The following DAB2IP variants were observed in gnomAD, a reference collection of about 807,000 sequenced individuals.
DAB2IP encodes the protein DAB2 interacting protein, also known as disabled homolog 2-interacting protein.
DAB2IP carries 28 observed loss-of-function variants against 107.2 expected under a neutral mutation model. That is an observed-to-expected ratio of 0.26 (90% confidence interval 0.19 to 0.36). The LOEUF (loss-of-function observed/expected upper bound fraction) is 0.36. Among genes scored for constraint, DAB2IP ranks in the 10% least tolerant of loss-of-function variants. The pLI is 1.00. For synonymous variants in DAB2IP, 755 were observed against 706.4 expected (o/e 1.07, Z -1.09); for missense variants, 1,400 against 1,644.7 (o/e 0.85, Z 2.57).
intron 13 of DAB2IP, 69 bp downstream of exon 13, chr9:121,774,481 T>G: frequency 6.9e-7 from 1 of 1,457,898 alleles, no homozygotes; most frequent in Non-Finnish European, 9.1e-7. Context: ...TAGGAGTCTC[T>G]CCCCCAGGTC....
chr9:121,642,705 T>G (rs1186876431), intron 1 of DAB2IP, among the ~76,000 whole-genome samples: 1 of 152,010 alleles, frequency 6.6e-6, no homozygotes, highest in Non-Finnish European at 1.5e-5. Context: ...TGCTATTCTA[T>G]GCACTGGGCA....
chr9:121,605,824 G>A (rs1830851416), intron 1 of DAB2IP, among the ~76,000 whole-genome samples: 1 of 152,156 alleles, frequency 6.6e-6, no homozygotes, highest in Non-Finnish European at 1.5e-5. Flanking sequence ...ATTTTCTTAA[G>A]AGTGTTTAAA....
At chr9:121,606,503 C>G (rs1406157141) in intron 1 of DAB2IP, among the ~76,000 whole-genome samples, 3 of 152,190 alleles carry the variant, frequency 2.0e-5, no homozygotes, top group East Asian at 3.8e-4. Context: ...CTCTGAGAAA[C>G]ACAGCTCAGC....
intron 3 of DAB2IP, among the ~76,000 whole-genome samples, chr9:121,743,743 A>G (rs540988704): frequency 1.3e-5 from 2 of 152,310 alleles, no homozygotes; most frequent in African/African-American, 4.8e-5. Context: ...GCTTAGAATA[A>G]GAGAGGCTGG....
chr9:121,666,917 A>ACACACACACAC lies in DAB2IP; in HGVS notation c.125-11758_125-11757insACACACACCAC, dbSNP rs1564143999. ...ACACACACACACACACACACACACA[A>ACACACACACAC]CACTCTTAAATAGACGTACACAGAG... On this transcript the variant is annotated intron_variant, in intron 1 of 15. Coordinates refer to ENST00000408936, the Ensembl canonical transcript of DAB2IP. 1.1e-3 allele frequency among the ~76,000 whole-genome samples: 110 copies of ACACACACACAC among 104,754 alleles called. 3 individuals carry two copies. The highest frequency in any genetic ancestry group is 3.4e-3 in the African/African-American group (101 of 29,992). 68.7% of individuals were successfully genotyped at this position (104,754 alleles called of 152,430 possible).
At chr9:121,716,089 A>C (rs1447584366) in intron 3 of DAB2IP, among the ~76,000 whole-genome samples, 1 of 152,160 alleles carries the variant, frequency 6.6e-6, no homozygotes, top group East Asian at 1.9e-4. Flanking sequence ...GGGGCTCTGG[A>C]ATCTGTATTC....
upstream of DAB2IP, among the ~76,000 whole-genome samples, chr9:121,648,285 G>A (rs1446214247): frequency 3.3e-5 from 5 of 152,156 alleles, no homozygotes; most frequent in Non-Finnish European, 5.9e-5. Context: ...ATAAAAAACT[G>A]AGGGGATGCT....
intron 3 of DAB2IP, among the ~76,000 whole-genome samples, chr9:121,747,870 AAG>A (rs1554738707): frequency 8.6e-5 from 13 of 150,466 alleles, no homozygotes; most frequent in African/African-American, 2.7e-4. Context: ...AAAAAAAAAA[AAG>A]AAAGAAAGAA....
chr9:121,758,330 G>T (rs1833639303), intron 4 of DAB2IP, among the ~76,000 whole-genome samples: 1 of 152,172 alleles, frequency 6.6e-6, no homozygotes. Flanking sequence ...CCTAGGGCCT[G>T]GCACATCCAG....
chr9:121,773,008 C>A (rs1188565861), exon 12 of DAB2IP: 2 of 1,611,408 alleles, frequency 1.2e-6, no homozygotes, highest in Non-Finnish European at 1.7e-6. Context: ...GCACCGCTCT[C>A]CTTCCAGAAC....
exon 1 of DAB2IP, chr9:121,567,130 C>A (rs953347463): frequency 6.2e-7 from 1 of 1,610,656 alleles, no homozygotes; most frequent in South Asian, 1.1e-5. Flanking sequence ...CCCAGACGCT[C>A]ATGGAGACAG....
At chr9:121,596,190 G>A (rs1414536496) in intron 1 of DAB2IP, among the ~76,000 whole-genome samples, 2 of 152,134 alleles carry the variant, frequency 1.3e-5, no homozygotes, top group Admixed American at 1.3e-4. Flanking sequence ...AATTAGCTGG[G>A]CATGGTGGCG....
intron 1 of DAB2IP, among the ~76,000 whole-genome samples, chr9:121,618,881 G>A (rs983233033): frequency 1.3e-5 from 2 of 152,132 alleles, no homozygotes; most frequent in Non-Finnish European, 1.5e-5. Context: ...TGTGTGTACG[G>A]CATCCCTAAT....
At chr9:121,695,755 C>T (rs975916848) in intron 2 of DAB2IP, among the ~76,000 whole-genome samples, 6 of 152,230 alleles carry the variant, frequency 3.9e-5, no homozygotes, top group Non-Finnish European at 7.3e-5. Context: ...TCACTACAAA[C>T]GGAGTGTTTT....
At chr9:121,718,805 G>A (rs1830757997) in intron 3 of DAB2IP, among the ~76,000 whole-genome samples, 1 of 152,188 alleles carries the variant, frequency 6.6e-6, no homozygotes, top group African/African-American at 2.4e-5. Flanking sequence ...CTGGAATGCT[G>A]CCTTCTCTTT....
Position 121,666,581 on chromosome 9 carries a change from C to T in DAB2IP, c.125-12097C>T, listed in dbSNP as rs531724785. ...AGATCACAGGGAGGGGAAGATCACACGCCGGGGCCTGTCGGCGGGTTGGGG... is the reference window on the plus strand; with the variant it reads ...AGATCACAGGGAGGGGAAGATCACATGCCGGGGCCTGTCGGCGGGTTGGGG... On this transcript the variant is annotated intron_variant, in intron 1 of 15. Transcript: ENST00000408936. 7.2e-5 allele frequency among the ~76,000 whole-genome samples: 11 copies of T among 152,016 alleles called. No homozygotes were observed. The South Asian group carries it at 1.0e-3, about 14-fold the overall frequency.
intron 1 of DAB2IP, among the ~76,000 whole-genome samples, chr9:121,671,103 A>G (rs1833663011): frequency 6.6e-6 from 1 of 152,190 alleles, no homozygotes; most frequent in South Asian, 2.1e-4. Context: ...GTGAGCCGAG[A>G]TCGTGCCACT....
intron 1 of DAB2IP, among the ~76,000 whole-genome samples, chr9:121,609,557 GC>G (rs1831017679): frequency 6.6e-6 from 1 of 152,196 alleles, no homozygotes; most frequent in Non-Finnish European, 1.5e-5. Context: ...AGTGCCCATG[GC>G]CCTCTAACTT....
intron 1 of DAB2IP, among the ~76,000 whole-genome samples, chr9:121,608,835 G>A (rs1201584524): frequency 6.6e-6 from 1 of 152,222 alleles, no homozygotes; most frequent in Non-Finnish European, 1.5e-5. Context: ...ATCGTGCTAG[G>A]GGGAGCACCC....
Sources: gnomAD v4.1 joint callset for allele counts (sites outside exome capture counted in the v4.1 genomes callset) on GRCh38, gnomAD v4.1.1 for gene constraint, MANE v1.5 for transcripts, NCBI Gene and HGNC (gene_info 2026-07-23, HGNC 2026-07-21) for gene names.